The following MAGI2 variants were observed in gnomAD, a reference collection of about 807,000 sequenced individuals.
MAGI2 encodes the protein membrane-associated guanylate kinase, WW and PDZ domain-containing protein 2.
In MAGI2, 35 loss-of-function variants were observed where a neutral mutation model predicts 133.3. The observed-to-expected ratio is 0.26, with a 90% CI of 0.20 to 0.35. The LOEUF (loss-of-function observed/expected upper bound fraction) is 0.35. MAGI2 is among the 10% of genes least tolerant of loss of function. The probability of loss-of-function intolerance (pLI) is 1.00; values close to 1 mark genes in which losing one functional copy is unlikely to be tolerated. For missense variants in MAGI2, 1,636 were observed against 1,863.4 expected, an observed-to-expected ratio of 0.88 and a Z score of 2.25; for synonymous variants, 729 against 710.6, an observed-to-expected ratio of 1.03 and a Z score of -0.41.
chr7:78,291,427 G>T (rs1796698330), intron 9 of MAGI2, among the ~76,000 whole-genome samples: 1 of 152,174 alleles, frequency 6.6e-6, no homozygotes. Flanking sequence ...TTCTGAAATT[G>T]AGGCAATAAT....
At chr7:78,737,594 T>C (rs953743716) in intron 2 of MAGI2, among the ~76,000 whole-genome samples, 3 of 152,146 alleles carry the variant, frequency 2.0e-5, no homozygotes, top group Admixed American at 6.5e-5. Context: ...TATAACATAT[T>C]GCAACAGACT....
intron 21 of MAGI2, among the ~76,000 whole-genome samples, chr7:78,070,208 TATATATATATACAC>T (rs1380557712): frequency 5.3e-3 from 260 of 48,644 alleles, no homozygotes; most frequent in South Asian, 0.015. Context: ...TATATATATA[TATATATATATACAC>T]ACACACACAC....
At chr7:78,135,287 G>A (rs1466822259) in intron 16 of MAGI2, 81 bp from the exon 17 acceptor site, 1 of 1,127,500 alleles carries the variant, frequency 8.9e-7, no homozygotes, top group Non-Finnish European at 1.3e-6. Flanking sequence ...AGGAAACAAT[G>A]AAATGTCAGA....
rs1816257285 is a variant in MAGI2 at position 78,083,416 on chromosome 7, G to GAGAGAGAGAGAC, written c.3568-4332_3568-4331insGTCTCTCTCTCT. On this transcript the variant is annotated intron_variant, in intron 20 of 21. Coordinates refer to ENST00000354212, the MANE Select transcript of MAGI2 (RefSeq NM_012301.4). ...AGAGAGAGAGAGAGAGAGAGAGAGA[G>GAGAGAGAGAGAC]AGAGAGAGAGAGAGACAGAGAGAGA... is the stretch of plus-strand genomic sequence containing the variant. Among the ~76,000 whole-genome samples the GAGAGAGAGAGAC allele has an allele frequency of 2.1e-5, 3 of 142,822 alleles. No individual in the cohort carries two copies. In the East Asian group the frequency reaches 6.1e-4, roughly 29 times the overall value. 93.7% of individuals were successfully genotyped at this position (142,822 alleles called of 152,430 possible). A position where few individuals can be genotyped will look rare whatever the true frequency, so the allele number is the denominator to read the frequency against.
At chr7:79,118,311 G>T (rs1352884526) in intron 1 of MAGI2, among the ~76,000 whole-genome samples, 1 of 152,114 alleles carries the variant, frequency 6.6e-6, no homozygotes, top group Non-Finnish European at 1.5e-5. Context: ...TGGAGCACTC[G>T]ACTCTAGAAA....
intron 1 of MAGI2, among the ~76,000 whole-genome samples, chr7:79,366,602 T>A (rs1235495048): frequency 6.6e-6 from 1 of 152,210 alleles, no homozygotes; most frequent in Non-Finnish European, 1.5e-5. Context: ...GTGGATTGCA[T>A]CAATGTCAGT....
intron 1 of MAGI2, among the ~76,000 whole-genome samples, chr7:79,089,705 T>C (rs1474079970): frequency 6.6e-6 from 1 of 151,762 alleles, no homozygotes; most frequent in Non-Finnish European, 1.5e-5. Flanking sequence ...CTAACCCTCA[T>C]TCTCAGCAAA....
chr7:78,195,002 G>C lies in MAGI2; in HGVS notation c.2141C>G (p.Pro714Arg), dbSNP rs778878537. The C allele has an allele frequency of 6.2e-7, 1 of 1,614,006 alleles. No individual in the cohort carries two copies. Among genetic ancestry groups the C allele is most frequent in the Admixed American group, 1.7e-5 (1 of 60,024 alleles). The change falls in exon 12 of 22, where the codon CCG (proline) becomes CGG (arginine). Residue 714 changes from proline to arginine, a missense_variant. Coordinates refer to ENST00000354212, the MANE Select transcript of MAGI2 (RefSeq NM_012301.4). ...GGCAGGTGGGAAGGGCAGGTTCTGC[G>C]GTATGGCCGGAGCAGATAAACTCGT... Reference protein sequence around the residue: ...PQTSLSAPAIPQNLPFPPALH... With the variant: ...PQTSLSAPAIRQNLPFPPALH...
At chr7:79,331,253 T>C (rs912104847) in intron 1 of MAGI2, among the ~76,000 whole-genome samples, 1 of 152,192 alleles carries the variant, frequency 6.6e-6, no homozygotes, top group African/African-American at 2.4e-5. Context: ...CTCGATGTAT[T>C]GTTAATGAGT....
At chr7:78,152,197 A>C (rs1019593627) in intron 16 of MAGI2, among the ~76,000 whole-genome samples, 1 of 152,216 alleles carries the variant, frequency 6.6e-6, no homozygotes, top group African/African-American at 2.4e-5. Flanking sequence ...AATATGGTGT[A>C]AGATTCCAAG....
At chr7:78,887,891 T>G (rs570021181) in intron 2 of MAGI2, among the ~76,000 whole-genome samples, 12 of 152,158 alleles carry the variant, frequency 7.9e-5, no homozygotes, top group African/African-American at 2.9e-4. Flanking sequence ...CGCAGGACAG[T>G]GGGTGCAGCG....
chr7:78,978,034 CA>C (rs141156832), intron 2 of MAGI2, among the ~76,000 whole-genome samples: 6,828 of 151,726 alleles, frequency 0.045, 467 homozygotes, highest in African/African-American at 0.15. Context: ...CAATTGTCAG[CA>C]AAATGTGGAA....
intron 2 of MAGI2, among the ~76,000 whole-genome samples, chr7:78,674,170 CT>C (rs565036579): frequency 1.3e-5 from 2 of 151,100 alleles, no homozygotes; most frequent in Non-Finnish European, 2.9e-5. Context: ...AGGAGAGAGG[CT>C]TTTTTTTGCA....
chr7:78,457,879 A>G (rs1373971602), intron 6 of MAGI2, among the ~76,000 whole-genome samples: 11 of 152,240 alleles, frequency 7.2e-5, no homozygotes, highest in Non-Finnish European at 1.2e-4. Flanking sequence ...TATACTTAGA[A>G]AAATAAAGAT....
At chr7:79,218,058 A>AAC (rs1830160069) in intron 1 of MAGI2, among the ~76,000 whole-genome samples, 1 of 152,036 alleles carries the variant, frequency 6.6e-6, no homozygotes, top group East Asian at 1.9e-4. Context: ...GACTAGAACT[A>AAC]CAATCTGCAA....
At chr7:78,176,911 A>T (rs146359604) in intron 14 of MAGI2, among the ~76,000 whole-genome samples, 2,319 of 95,146 alleles carry the variant, frequency 0.024, 42 homozygotes, top group African/African-American at 0.084. Context: ...ATATATAGAC[A>T]CACACACACA....
intron 6 of MAGI2, among the ~76,000 whole-genome samples, chr7:78,423,144 A>C (rs1046252467): frequency 2.0e-5 from 3 of 152,160 alleles, no homozygotes; most frequent in African/African-American, 7.2e-5. Flanking sequence ...TACAATTCCC[A>C]TGTATTATGG....
chr7:78,847,937 CT>C (rs1421673436), intron 2 of MAGI2, among the ~76,000 whole-genome samples: 2 of 151,932 alleles, frequency 1.3e-5, no homozygotes, highest in African/African-American at 4.8e-5. Flanking sequence ...TAAGTATTAA[CT>C]GAATTACTGA....
intron 16 of MAGI2, among the ~76,000 whole-genome samples, chr7:78,153,011 A>G (rs1824038723): frequency 6.6e-6 from 1 of 152,242 alleles, no homozygotes; most frequent in Non-Finnish European, 1.5e-5. Flanking sequence ...AATGAGACTC[A>G]CTTTCTAATT....
Sources: allele counts gnomAD v4.1 joint callset (sites outside exome capture counted in the v4.1 genomes callset), GRCh38; gene constraint gnomAD v4.1.1; transcripts MANE v1.5; gene names NCBI Gene and HGNC (gene_info 2026-07-23, HGNC 2026-07-21).